Variants in COL14A1 observed in about 807,000 individuals in gnomAD.
COL14A1 encodes collagen alpha-1(XIV) chain.
A neutral mutation model predicts 230.3 loss-of-function variants in COL14A1; 136 were observed. The observed-to-expected ratio is 0.59, with a 90% CI of 0.51 to 0.68. The LOEUF (loss-of-function observed/expected upper bound fraction) is 0.68, where lower values mean the gene tolerates loss of function less well. Among genes scored for constraint, COL14A1 ranks in the 30% least tolerant of loss-of-function variants. COL14A1 has a pLI of 0.00. For synonymous variants in COL14A1, 792 were observed against 784.1 expected (o/e 1.01, Z -0.17); for missense variants, 1,976 against 2,215.8 (o/e 0.89, Z 2.17).
chr8:120,237,949 G>GAAAAGC, intron 19 of COL14A1, among the ~76,000 whole-genome samples: 1 of 152,316 alleles, frequency 6.6e-6, no homozygotes, highest in Non-Finnish European at 1.5e-5. Flanking sequence ...AGAGGCTGCA[G>GAAAAGC]AAAAGCAAAG....
chr8:120,130,500 C>T (rs1302247297), intron 1 of COL14A1, among the ~76,000 whole-genome samples: 1 of 152,072 alleles, frequency 6.6e-6, no homozygotes, highest in Admixed American at 6.5e-5. Context: ...TTTACTGTTG[C>T]TTTCCCCTTC....
intron 19 of COL14A1, among the ~76,000 whole-genome samples, chr8:120,241,325 A>C (rs1422887118): frequency 1.3e-5 from 2 of 152,184 alleles, no homozygotes; most frequent in Non-Finnish European, 2.9e-5. Context: ...CACCACAAAG[A>C]GTTTGAGAAT....
In COL14A1 at chr8:120,236,512, C is replaced by T. The variant is rs558587118; in HGVS notation, c.2349+4894C>T. 2.6e-5 allele frequency among the ~76,000 whole-genome samples: 4 copies of T among 151,122 alleles called. No homozygotes were observed. In the East Asian group the frequency reaches 5.9e-4, roughly 22 times the overall value. On this transcript the variant is annotated intron_variant, in intron 19 of 47. Coordinates refer to ENST00000297848, the MANE Select transcript of COL14A1 (RefSeq NM_021110.4). Reference sequence around the variant, plus strand: ...CCCTTTATTTTGAGTCTATGTGTGTCTTTGCACGTGAGATGGGTCTCCTGA... The same window carrying T: ...CCCTTTATTTTGAGTCTATGTGTGTTTTTGCACGTGAGATGGGTCTCCTGA...
In COL14A1 at chr8:120,332,675, C is replaced by T; in HGVS notation, c.4725C>T (p.Gly1575=). Residue 1575 remains glycine, a synonymous_variant, in exon 42 of 48, where the codon GGC becomes GGT. Transcript: ENST00000297848. Reference sequence around the variant, plus strand: ...TACCTCTCTTCTAGGGCATTCCTGGCACCCCTGGAGTCCCAGGGATCACAG... The same window carrying T: ...TACCTCTCTTCTAGGGCATTCCTGGTACCCCTGGAGTCCCAGGGATCACAG... ...PGPPGPIGIP[G]TPGVPGITGS... is the part of the protein sequence containing the mutation. The T allele has an allele frequency of 6.2e-7, 1 of 1,612,926 alleles. No homozygotes were observed. Among genetic ancestry groups the T allele is most frequent in the Non-Finnish European group, 8.5e-7 (1 of 1,179,268 alleles).
chr8:120,317,963 T>G (rs1821292345), intron 40 of COL14A1, among the ~76,000 whole-genome samples: 1 of 152,204 alleles, frequency 6.6e-6, no homozygotes, highest in African/African-American at 2.4e-5. Flanking sequence ...CCAAACTAGA[T>G]TTCTGAGGAT....
In COL14A1 at chr8:120,283,663, C is replaced by G; in HGVS notation, c.3852C>G (p.Ser1284=). Residue 1284 remains serine (S), a synonymous_variant, in exon 32 of 48, where the codon TCC becomes TCG. Coordinates refer to ENST00000297848, the MANE Select transcript of COL14A1 (RefSeq NM_021110.4). ...ACTTGCACCCAGAAGGATTGCCCTC[C>G]GACTACACAATCAGTTTTCTATTCC... ...TRYLHPEGLP[S]DYTISFLFRI... The G allele has an allele frequency of 1.2e-6, 2 of 1,612,722 alleles. No individual in the cohort carries two copies. Among genetic ancestry groups the G allele is most frequent in the South Asian group, 2.2e-5 (2 of 90,782 alleles).
intron 45 of COL14A1, among the ~76,000 whole-genome samples, chr8:120,349,395 T>C (rs1822661747): frequency 6.7e-6 from 1 of 150,342 alleles, no homozygotes; most frequent in Non-Finnish European, 1.5e-5. Context: ...AGAATGACTT[T>C]GACGAGCTGA....
chr8:120,208,327 T>C lies in COL14A1; in HGVS notation c.1287T>C (p.Thr429=). The change falls in exon 11 of 48, where the codon ACT becomes ACC. Residue 429 remains threonine, a synonymous_variant. Transcript: ENST00000297848. ...CAGTCTTTGCAATCTATGCCCACACTGCTAGTGAAGGCCTACGGGGAACTG... is the reference window on the plus strand; with the variant it reads ...CAGTCTTTGCAATCTATGCCCACACCGCTAGTGAAGGCCTACGGGGAACTG... ...QIAVFAIYAH[T]ASEGLRGTET... 1 of 1,613,728 alleles carries C rather than the reference T, an allele frequency of 6.2e-7. No homozygotes were observed. The highest frequency in any genetic ancestry group is 8.5e-7 in the Non-Finnish European group (1 of 1,179,794).
intron 7 of COL14A1, among the ~76,000 whole-genome samples, chr8:120,198,373 A>T (rs977736051): frequency 6.6e-6 from 1 of 152,138 alleles, no homozygotes. Context: ...AAAAGTCAAG[A>T]TCCTCTCTTT....
At chr8:120,298,088 C>T (rs1368793979) in intron 35 of COL14A1, among the ~76,000 whole-genome samples, 1 of 152,022 alleles carries the variant, frequency 6.6e-6, no homozygotes, top group Non-Finnish European at 1.5e-5. Flanking sequence ...CAGCATTTCT[C>T]ATATCTTGGG....
Position 120,212,548 on chromosome 8 carries a change from G to A in COL14A1, c.1568G>A (p.Ser523Asn), listed in dbSNP as rs755890460. Residue 523 changes from serine (S) to asparagine (N), a missense_variant, in exon 13 of 48, where the codon AGT (serine) becomes AAT (asparagine). Ser to Asn is a conservative substitution (Grantham distance 46). Transcript: ENST00000297848. ...TATGCCATGTTTGGAGAAGAGGCCA[G>A]TGATCCTGTTACGGGACAAGAAACA... ...TVYAMFGEEA[S>N]DPVTGQETTL... is the part of the protein sequence containing the mutation. The A allele has an allele frequency of 6.2e-7, 1 of 1,613,642 alleles. No individual in the cohort carries two copies. Among genetic ancestry groups the A allele is most frequent in the East Asian group, 2.2e-5 (1 of 44,848 alleles).
chr8:120,303,248 G>A (rs1459284162), intron 36 of COL14A1, among the ~76,000 whole-genome samples: 5 of 152,066 alleles, frequency 3.3e-5, no homozygotes, highest in Non-Finnish European at 7.4e-5. Context: ...TTGCCTGATT[G>A]CACTGGCCAG....
intron 23 of COL14A1, among the ~76,000 whole-genome samples, chr8:120,259,996 T>C (rs117505198): frequency 2.3e-3 from 347 of 152,314 alleles, no homozygotes; most frequent in Middle Eastern, 6.8e-3. Flanking sequence ...CAAACCCATT[T>C]CACATAATAT....
chr8:120,209,945 C>A, intron 12 of COL14A1, 44 bp downstream of exon 12: 2 of 1,320,378 alleles, frequency 1.5e-6, no homozygotes, highest in Admixed American at 2.9e-5. Flanking sequence ...CTTTTATTTC[C>A]TTAAATAAAA....
At chr8:120,260,330 T>C (rs1819283394) in intron 23 of COL14A1, among the ~76,000 whole-genome samples, 1 of 152,122 alleles carries the variant, frequency 6.6e-6, no homozygotes, top group African/African-American at 2.4e-5. Context: ...TATCAAAATA[T>C]GGATGGCAAT....
chr8:120,263,644 G>A (rs1016141403), intron 24 of COL14A1, among the ~76,000 whole-genome samples: 2 of 152,178 alleles, frequency 1.3e-5, no homozygotes, highest in Admixed American at 1.3e-4. Flanking sequence ...GAAATGCAGT[G>A]AATTCTGGGG....
intron 26 of COL14A1, among the ~76,000 whole-genome samples, chr8:120,272,100 G>T (rs533522622): frequency 2.0e-5 from 3 of 151,740 alleles, no homozygotes; most frequent in African/African-American, 7.2e-5. Flanking sequence ...TGGATATTTT[G>T]CAGAAACCTT....
intron 22 of COL14A1, among the ~76,000 whole-genome samples, chr8:120,252,467 G>A (rs1275707878): frequency 6.6e-6 from 1 of 152,204 alleles, no homozygotes; most frequent in Non-Finnish European, 1.5e-5. Flanking sequence ...CTGTATGCTA[G>A]TCTAGATAGT....
chr8:120,235,991 G>A (rs1818431873), intron 19 of COL14A1, among the ~76,000 whole-genome samples: 1 of 152,106 alleles, frequency 6.6e-6, no homozygotes, highest in African/African-American at 2.4e-5. Flanking sequence ...TGTTTGTTAT[G>A]ATTTGCATTC....
Sources: gnomAD v4.1 joint callset for allele counts (sites outside exome capture counted in the v4.1 genomes callset) on GRCh38, gnomAD v4.1.1 for gene constraint, MANE v1.5 for transcripts, NCBI Gene and HGNC (gene_info 2026-07-23, HGNC 2026-07-21) for gene names.